The following GALNT13 variants were observed in gnomAD, a reference collection of about 807,000 sequenced individuals.
The protein encoded by GALNT13 is UDP-GalNAc:polypeptide N-acetylgalactosaminyltransferase 13.
Under a neutral mutation model 64.2 loss-of-function variants are expected in GALNT13, and 28 were observed. The observed-to-expected ratio is 0.44, with a 90% CI of 0.32 to 0.60. The LOEUF (loss-of-function observed/expected upper bound fraction) is 0.60. Among genes scored for constraint, GALNT13 ranks in the 20% least tolerant of loss-of-function variants. The pLI, the probability that GALNT13 is intolerant of heterozygous loss-of-function variation, is 0.05. For missense variants in GALNT13, 577 were observed against 669.8 expected, an observed-to-expected ratio of 0.86 and a Z score of 1.53; for synonymous variants, 214 against 224.6, an observed-to-expected ratio of 0.95 and a Z score of 0.42.
At chr2:154,350,176 A>G (rs1665866098) in intron 9 of GALNT13, among the ~76,000 whole-genome samples, 1 of 152,174 alleles carries the variant, frequency 6.6e-6, no homozygotes, top group Non-Finnish European at 1.5e-5. Flanking sequence ...ACTTGATTGG[A>G]TTGAAGGGTG....
chr2:154,396,175 A>C (rs776049658), intron 10 of GALNT13, 45 bp downstream of exon 10: 2 of 1,390,708 alleles, frequency 1.4e-6, no homozygotes, highest in Non-Finnish European at 1.9e-6. Flanking sequence ...TATTTTGCAA[A>C]TGGAGCAATT....
chr2:153,092,933 C>T, the GALNT13 span, among the ~76,000 whole-genome samples: 1 of 151,520 alleles, frequency 6.6e-6, no homozygotes, highest in African/African-American at 2.4e-5. Context: ...ATGTTCCAGA[C>T]CTTAGAGGAA....
rs368296691 is a variant in GALNT13, at chr2:153,977,608, AG to A, written c.142+32970del. On this transcript the variant is annotated intron_variant, in intron 3 of 12. Coordinates refer to ENST00000392825, the MANE Select transcript of GALNT13 (RefSeq NM_052917.4). The stretch of plus-strand genomic sequence containing the variant: ...GGATTATGGGAACTACAATTCAAGA[AG>A]AGATTTGGGTGGAGACACAGCCAAA... Among the ~76,000 whole-genome samples the A allele has an allele frequency of 2.6e-3, 390 of 152,200 alleles. 4 individuals are homozygous for A. The highest frequency in any genetic ancestry group is 8.5e-3 in the African/African-American group (354 of 41,530).
the GALNT13 span, among the ~76,000 whole-genome samples, chr2:153,557,427 C>T: frequency 6.6e-6 from 1 of 152,170 alleles, no homozygotes; most frequent in Non-Finnish European, 1.5e-5. Context: ...TCCCTGACAA[C>T]TCCCTCTGCC....
At chr2:153,257,775 A>G in the GALNT13 span, among the ~76,000 whole-genome samples, 9 of 152,342 alleles carry the variant, frequency 5.9e-5, no homozygotes, top group South Asian at 1.7e-3. Flanking sequence ...ATGGCAATAT[A>G]GTTATTTGTA....
At chr2:153,206,059 GA>G in the GALNT13 span, among the ~76,000 whole-genome samples, 2 of 149,104 alleles carry the variant, frequency 1.3e-5, no homozygotes, top group African/African-American at 2.5e-5. Flanking sequence ...CTAGGAAAAT[GA>G]AAAAAAAAGA....
At chr2:153,070,976 C>T in the GALNT13 span, among the ~76,000 whole-genome samples, 15 of 152,118 alleles carry the variant, frequency 9.9e-5, no homozygotes, top group Non-Finnish European at 2.2e-4. Context: ...AGAATAAAAA[C>T]ACTGAAATTA....
At chr2:153,219,164 C>T in the GALNT13 span, among the ~76,000 whole-genome samples, 2 of 152,130 alleles carry the variant, frequency 1.3e-5, no homozygotes, top group Non-Finnish European at 2.9e-5. Context: ...GGAATTTATT[C>T]CTTACCAATT....
the GALNT13 span, among the ~76,000 whole-genome samples, chr2:153,718,377 G>A: frequency 6.6e-6 from 1 of 151,224 alleles, no homozygotes; most frequent in Non-Finnish European, 1.5e-5. Flanking sequence ...ACCCGTGTCT[G>A]TTCCTGCTCA....
At chr2:153,359,490 G>C in the GALNT13 span, among the ~76,000 whole-genome samples, 1 of 151,816 alleles carries the variant, frequency 6.6e-6, no homozygotes, top group East Asian at 1.9e-4. Flanking sequence ...CTTCAAGTTT[G>C]CAACTTTCTT....
intron 4 of GALNT13, among the ~76,000 whole-genome samples, chr2:154,223,347 T>A (rs1394619097): frequency 6.6e-6 from 1 of 152,058 alleles, no homozygotes; most frequent in African/African-American, 2.4e-5. Flanking sequence ...CTGTATCTAT[T>A]TGGGAGTGAT....
the GALNT13 span, among the ~76,000 whole-genome samples, chr2:153,165,626 T>C: frequency 7.2e-5 from 11 of 152,172 alleles, no homozygotes; most frequent in Admixed American, 6.5e-4. Flanking sequence ...TATACACTAA[T>C]TGTGGAAACC....
the GALNT13 span, among the ~76,000 whole-genome samples, chr2:153,119,891 TC>T: frequency 6.6e-6 from 1 of 152,226 alleles, no homozygotes; most frequent in African/African-American, 2.4e-5. Flanking sequence ...TGGCTTCCCT[TC>T]CCTACATCAT....
At chr2:153,293,340 A>G in the GALNT13 span, among the ~76,000 whole-genome samples, 1,509 of 152,242 alleles carry the variant, frequency 9.9e-3, 15 homozygotes, top group Non-Finnish European at 0.015. Flanking sequence ...AAGGGTCCTT[A>G]AAAGATGAAA....
the GALNT13 span, chr2:153,357,111 A>G: frequency 1.3e-5 from 2 of 152,114 alleles, no homozygotes; most frequent in Non-Finnish European, 1.5e-5. Context: ...CCCGACAGAG[A>G]TCTGGAAATT....
intron 3 of GALNT13, among the ~76,000 whole-genome samples, chr2:153,968,493 C>T (rs1025766085): frequency 2.0e-5 from 3 of 152,196 alleles, no homozygotes; most frequent in Admixed American, 6.5e-5. Context: ...TTCTTCCTAT[C>T]CCCTTCAATG....
the GALNT13 span, among the ~76,000 whole-genome samples, chr2:153,784,746 C>A: frequency 6.6e-6 from 1 of 152,332 alleles, no homozygotes; most frequent in Non-Finnish European, 1.5e-5. Flanking sequence ...GGCCCCACTT[C>A]CACAACACCT....
the GALNT13 span, among the ~76,000 whole-genome samples, chr2:153,858,369 G>C: frequency 6.6e-6 from 1 of 152,132 alleles, no homozygotes; most frequent in African/African-American, 2.4e-5. Flanking sequence ...AGGTGTTCAG[G>C]GTTTTAAGCA....
chr2:154,442,955 A>G (rs1701377854), intron 12 of GALNT13, among the ~76,000 whole-genome samples: 1 of 152,160 alleles, frequency 6.6e-6, no homozygotes, highest in Non-Finnish European at 1.5e-5. Flanking sequence ...CAGAGTCACA[A>G]TATAAGGAAT....
Sources: gnomAD v4.1 joint callset for allele counts (sites outside exome capture counted in the v4.1 genomes callset) on GRCh38, gnomAD v4.1.1 for gene constraint, MANE v1.5 for transcripts, NCBI Gene and HGNC (gene_info 2026-07-23, HGNC 2026-07-21) for gene names.